The following PRSS3 variants were observed in gnomAD, a reference collection of about 807,000 sequenced individuals.
The protein encoded by PRSS3 is trypsin-3.
A neutral mutation model predicts 20.8 loss-of-function variants in PRSS3; 14 were observed. That is an observed-to-expected ratio of 0.67 (90% CI 0.44 to 1.05). PRSS3 has a LOEUF of 1.05. Among genes scored for constraint, PRSS3 ranks in the 50% least tolerant of loss-of-function variants. The pLI, the probability that PRSS3 is intolerant of heterozygous loss-of-function variation, is 0.00. For missense variants in PRSS3, 237 were observed against 306.4 expected (o/e 0.77, Z 1.69); for synonymous variants, 91 against 117.6 (o/e 0.77, Z 1.46).
At chr9:33,784,456 T>C (rs929407260) in intron 1 of PRSS3, among the ~76,000 whole-genome samples, 9 of 152,234 alleles carry the variant, frequency 5.9e-5, no homozygotes, top group South Asian at 2.1e-4. Flanking sequence ...GTCCGTGGCA[T>C]GTCCAATAGA....
chr9:33,751,628 C>T (rs1248946848), intron 1 of PRSS3, among the ~76,000 whole-genome samples: 1 of 152,188 alleles, frequency 6.6e-6, no homozygotes, highest in Non-Finnish European at 1.5e-5. Context: ...CGTTTTCCTC[C>T]TCCCGCACCT....
chr9:33,772,868 T>C (rs1823766812), intron 1 of PRSS3, among the ~76,000 whole-genome samples: 1 of 152,200 alleles, frequency 6.6e-6, no homozygotes, highest in African/African-American at 2.4e-5. Context: ...AGAGTGCTGG[T>C]TGCCAAGCCT....
intron 1 of PRSS3, among the ~76,000 whole-genome samples, chr9:33,761,121 G>A (rs1823179965): frequency 6.6e-6 from 1 of 152,246 alleles, no homozygotes; most frequent in Non-Finnish European, 1.5e-5. Context: ...TAACGACAGG[G>A]ACATGTTCTG....
At chr9:33,756,131 C>T (rs922842650) in intron 1 of PRSS3, among the ~76,000 whole-genome samples, 2 of 152,170 alleles carry the variant, frequency 1.3e-5, no homozygotes, top group African/African-American at 4.8e-5. Flanking sequence ...TTTAAGATGT[C>T]ACTTTTCTTC....
In PRSS3 at chr9:33,798,499, C is replaced by G. The variant is rs370651276; in HGVS notation, c.468C>G (p.Asp156Glu). Reference sequence around the variant, plus strand: ...TGATCCTCACAGCTGACTACCCAGACGAGCTGAAGTGCCTGGATGCTCCGG... The same window carrying G: ...TGATCCTCACAGCTGACTACCCAGAGGAGCTGAAGTGCCTGGATGCTCCGG... ...NTLSFGADYPDELKCLDAPVL... is the reference protein window; with the variant it reads ...NTLSFGADYPEELKCLDAPVL... Residue 156 changes from aspartate to glutamate, a missense_variant, in exon 4 of 5, where the codon GAC (aspartate) becomes GAG (glutamate). Physicochemically the swap from Asp to Glu is conservative, Grantham distance 45 (BLOSUM62 2). Coordinates refer to ENST00000379405, the MANE Select transcript of PRSS3 (RefSeq NM_002771.4). The G allele has an allele frequency of 6.3e-7, 1 of 1,599,748 alleles. No individual in the cohort carries two copies. The highest frequency in any genetic ancestry group is 1.7e-5 in the Admixed American group (1 of 58,890).
intron 2 of PRSS3, 151 bp downstream of exon 2, chr9:33,796,953 G>C (rs1322471709): frequency 8.3e-7 from 1 of 1,201,846 alleles, no homozygotes; most frequent in Non-Finnish European, 1.2e-6. Context: ...TCCAGAGCAA[G>C]GCCAATCCAT....
Position 33,769,252 on chromosome 9 carries a change from G to A in PRSS3, c.-53+18525G>A, listed in dbSNP as rs560151117. ...AACCAAAACTTTTGGAAAACTCTCA[G>A]TCTATCCATTCTACAAAAAATGAGA... On this transcript the variant is annotated intron_variant, in intron 1 of 5. Coordinates refer to the PRSS3 transcript ENST00000342836. Among the ~76,000 whole-genome samples the A allele has an allele frequency of 2.6e-5, 4 of 152,302 alleles. No homozygotes were observed. The South Asian group carries it at 8.3e-4, about 32-fold the overall frequency.
At chr9:33,775,464 G>A (rs919293048) in intron 1 of PRSS3, among the ~76,000 whole-genome samples, 1 of 151,634 alleles carries the variant, frequency 6.6e-6, no homozygotes, top group African/African-American at 2.4e-5. Context: ...CCCCACTTGG[G>A]GCAAGCAGCA....
intron 1 of PRSS3, among the ~76,000 whole-genome samples, chr9:33,753,530 G>C (rs1309361119): frequency 6.6e-6 from 1 of 152,080 alleles, no homozygotes; most frequent in East Asian, 1.9e-4. Context: ...TTTGGTTTGA[G>C]GTCTGTGACA....
chr9:33,788,250 T>C (rs1563965395), intron 1 of PRSS3, among the ~76,000 whole-genome samples: 3 of 152,142 alleles, frequency 2.0e-5, no homozygotes, highest in Non-Finnish European at 2.9e-5. Context: ...ACCTGGAGAA[T>C]TGCCCTGCAG....
chr9:33,784,829 A>T (rs1242669214), intron 1 of PRSS3, among the ~76,000 whole-genome samples: 1 of 152,196 alleles, frequency 6.6e-6, no homozygotes, highest in South Asian at 2.1e-4. Context: ...AGAGTCAGAC[A>T]ATACTTGATA....
chr9:33,784,959 C>T (rs1824326142), intron 1 of PRSS3, among the ~76,000 whole-genome samples: 1 of 152,056 alleles, frequency 6.6e-6, no homozygotes, highest in African/African-American at 2.4e-5. Context: ...TAGGTCTTAT[C>T]TGTAAAATTT....
intron 1 of PRSS3, chr9:33,786,298 G>A (rs942512349): frequency 2.0e-4 from 113 of 569,982 alleles, no homozygotes; most frequent in African/African-American, 1.9e-3. Context: ...TGTTAATGCT[G>A]GGTAGAGAGG....
intron 1 of PRSS3, among the ~76,000 whole-genome samples, chr9:33,763,650 A>G (rs1823301781): frequency 6.6e-6 from 1 of 151,294 alleles, no homozygotes. Flanking sequence ...AGTGAGCAGA[A>G]ATCGCGCCAC....
At chr9:33,775,260 C>G (rs1230321626) in intron 1 of PRSS3, among the ~76,000 whole-genome samples, 1 of 152,128 alleles carries the variant, frequency 6.6e-6, no homozygotes, top group African/African-American at 2.4e-5. Context: ...CCCGTCACCC[C>G]CCAGCTCAGC....
chr9:33,777,531 C>A (rs1455120169), intron 1 of PRSS3, among the ~76,000 whole-genome samples: 1,360 of 101,982 alleles, frequency 0.013, 73 homozygotes, highest in Non-Finnish European at 0.019. Context: ...CTAAAAATAC[C>A]AAAAAAAAAA....
chr9:33,791,231 T>A (rs755569950), upstream of PRSS3, among the ~76,000 whole-genome samples: 2 of 152,252 alleles, frequency 1.3e-5, no homozygotes, highest in Non-Finnish European at 2.9e-5. Context: ...ATATGGGTTC[T>A]ACAGAGAAGC....
intron 1 of PRSS3, among the ~76,000 whole-genome samples, chr9:33,790,556 A>T (rs1587394534): frequency 6.6e-6 from 1 of 152,096 alleles, no homozygotes; most frequent in South Asian, 2.1e-4. Flanking sequence ...CTTAAATGCC[A>T]CCTCCCCAAA....
intron 1 of PRSS3, among the ~76,000 whole-genome samples, chr9:33,778,861 A>G (rs1824055184): frequency 6.6e-6 from 1 of 152,204 alleles, no homozygotes; most frequent in South Asian, 2.1e-4. Flanking sequence ...ACCTCAGAGC[A>G]TGCCTGTGAA....
Sources: gnomAD v4.1 joint callset for allele counts (sites outside exome capture counted in the v4.1 genomes callset) on GRCh38, gnomAD v4.1.1 for gene constraint, MANE v1.5 for transcripts, NCBI Gene and HGNC (gene_info 2026-07-23, HGNC 2026-07-21) for gene names.